Variants in VWA8 observed in about 807,000 individuals in gnomAD.
The protein encoded by VWA8 is von Willebrand factor A domain containing 8.
VWA8 carries 221 observed loss-of-function variants against 241.5 expected under a neutral mutation model. That is an observed-to-expected ratio of 0.91 (90% CI 0.82 to 1.02). The LOEUF (loss-of-function observed/expected upper bound fraction) is 1.02, where lower values mean the gene tolerates loss of function less well. VWA8 is among the 50% of genes least tolerant of loss of function. The pLI is 0.00. For synonymous variants in VWA8, 852 were observed against 827.1 expected (o/e 1.03, Z -0.52); for missense variants, 2,322 against 2,328.7 (o/e 1.00, Z 0.06).
intron 4 of VWA8, among the ~76,000 whole-genome samples, chr13:41,900,337 A>C (rs1452330617): frequency 6.6e-6 from 1 of 152,190 alleles, no homozygotes; most frequent in Admixed American, 6.5e-5. Context: ...TCCTCAAAGT[A>C]GAAATTAGAC....
chr13:41,679,857 G>A (rs1311227302), intron 35 of VWA8, among the ~76,000 whole-genome samples: 11 of 18,936 alleles, frequency 5.8e-4, no homozygotes, highest in East Asian at 5.3e-3. Context: ...ACCCGCCCCC[G>A]GCCGCCCCAC....
intron 17 of VWA8, among the ~76,000 whole-genome samples, chr13:41,805,686 C>T (rs762747118): frequency 4.6e-5 from 7 of 151,836 alleles, no homozygotes; most frequent in Non-Finnish European, 7.4e-5. Context: ...TGGTGGTGCA[C>T]GCCTGTAATC....
At chr13:41,614,810 C>A (rs971407789) in intron 38 of VWA8, among the ~76,000 whole-genome samples, 166 bp downstream of exon 38, 3 of 152,126 alleles carry the variant, frequency 2.0e-5, no homozygotes, top group Non-Finnish European at 2.9e-5. Flanking sequence ...TCTTCACATG[C>A]CTTGATGTCA....
At chr13:41,869,369 C>T (rs1873473625) in intron 9 of VWA8, among the ~76,000 whole-genome samples, 1 of 152,072 alleles carries the variant, frequency 6.6e-6, no homozygotes, top group South Asian at 2.1e-4. Flanking sequence ...CACAGTAGCT[C>T]ATGCCTGTAA....
intron 20 of VWA8, among the ~76,000 whole-genome samples, chr13:41,777,027 A>C (rs1028508181): frequency 6.6e-6 from 1 of 152,198 alleles, no homozygotes; most frequent in Non-Finnish European, 1.5e-5. Flanking sequence ...AAAAAACCAA[A>C]AGTGCTGTTC....
chr13:41,820,827 C>A (rs557455188), intron 14 of VWA8, among the ~76,000 whole-genome samples: 2 of 152,202 alleles, frequency 1.3e-5, no homozygotes, highest in South Asian at 4.2e-4. Context: ...TTCCATTTTC[C>A]ACTTCTGCTA....
intron 35 of VWA8, among the ~76,000 whole-genome samples, chr13:41,678,017 G>C (rs748555944): frequency 3.9e-5 from 6 of 152,192 alleles, no homozygotes; most frequent in Non-Finnish European, 7.3e-5. Context: ...TTTTGCGCCA[G>C]ACATCATATG....
At position 41,839,159 on chromosome 13, in the gene VWA8, T is replaced by A. The variant is rs377067293; in HGVS notation, c.1426-5628A>T. 1.5e-4 allele frequency among the ~76,000 whole-genome samples: 23 copies of A among 152,302 alleles called. 1 individual carries two copies. The highest frequency in any genetic ancestry group is 1.4e-3 in the East Asian group (7 of 5,180). On this transcript the variant is annotated intron_variant, in intron 12 of 44. Coordinates refer to ENST00000379310, the MANE Select transcript of VWA8 (RefSeq NM_015058.2). ...TTCTCCACATCCTCTCCAGCATCTG[T>A]TGTTTCCTGACTTTTTAATGATCAC...
rs1869368387 is a variant in VWA8 at position 41,789,755 on chromosome 13, A to AC, written c.2064-2213dup. 3.9e-5 allele frequency among the ~76,000 whole-genome samples: 6 copies of AC among 152,268 alleles called. No individual in the cohort carries two copies. In the South Asian group the frequency reaches 1.2e-3, roughly 32 times the overall value. ...TTACTTGCAAGAGTGAAAGAAAAAG[A>AC]CTGAGGGGTTCTGTGGATACTAGGC... On this transcript the variant is annotated intron_variant, in intron 17 of 44. Transcript: ENST00000379310.
At chr13:41,841,840 TATATATATATATATATATAA>T (rs1214796890) in intron 12 of VWA8, among the ~76,000 whole-genome samples, 973 of 90,078 alleles carry the variant, frequency 0.011, 66 homozygotes, top group African/African-American at 0.043. Flanking sequence ...TATATATATA[TATATATATATATATATATAA>T]AAACAGTAGA....
intron 36 of VWA8, among the ~76,000 whole-genome samples, chr13:41,671,402 A>C (rs1477318700): frequency 6.6e-6 from 1 of 152,182 alleles, no homozygotes; most frequent in East Asian, 1.9e-4. Context: ...AAAACCAGAA[A>C]GACTATTTTA....
At chr13:41,578,538 G>T (rs560846518) in intron 42 of VWA8, among the ~76,000 whole-genome samples, 3 of 152,222 alleles carry the variant, frequency 2.0e-5, no homozygotes, top group Non-Finnish European at 4.4e-5. Context: ...AATTGTGTGG[G>T]TTAATGGAAA....
chr13:41,815,913 G>C (rs1464460459), intron 16 of VWA8, among the ~76,000 whole-genome samples: 1 of 152,144 alleles, frequency 6.6e-6, no homozygotes, highest in African/African-American at 2.4e-5. Flanking sequence ...TGCTTAACTG[G>C]TGAGATTTGT....
intron 24 of VWA8, among the ~76,000 whole-genome samples, chr13:41,724,611 T>G (rs1242328714): frequency 6.6e-6 from 1 of 152,192 alleles, no homozygotes; most frequent in Non-Finnish European, 1.5e-5. Context: ...TAGGAGTCTG[T>G]GGACATTTGT....
chr13:41,789,919 G>T (rs1429836896), intron 17 of VWA8, among the ~76,000 whole-genome samples: 1 of 152,044 alleles, frequency 6.6e-6, no homozygotes, highest in Non-Finnish European at 1.5e-5. Context: ...GACTATATTT[G>T]TGCCTTAATT....
intron 39 of VWA8, among the ~76,000 whole-genome samples, chr13:41,609,013 T>A (rs1011715529): frequency 4.6e-5 from 7 of 152,216 alleles, no homozygotes; most frequent in Non-Finnish European, 1.0e-4. Context: ...GTCTCTGAAT[T>A]AAGTACTAAA....
In VWA8 at chr13:41,886,002, G is replaced by A. The variant is rs1410601044; in HGVS notation, c.893C>T (p.Thr298Ile). Residue 298 changes from threonine (T) to isoleucine (I), a missense_variant, in exon 8 of 45, where the codon ACA becomes ATA. Thr to Ile is a moderately conservative substitution (Grantham distance 89, BLOSUM62 -1). Coordinates refer to ENST00000379310, the MANE Select transcript of VWA8 (RefSeq NM_015058.2). ...EKVSQLLSFA[T>I]TLCSQESSTL... The stretch of plus-strand genomic sequence containing the variant: ...AGAAGATTCTTGGGAACACAGAGTT[G>A]TGGCAAAGGACAAGAGCTGAGAAAC... The A allele has an allele frequency of 1.2e-6, 2 of 1,605,056 alleles. No individual in the cohort carries two copies. Among genetic ancestry groups the A allele is most frequent in the Non-Finnish European group, 1.7e-6 (2 of 1,177,576 alleles).
intron 14 of VWA8, among the ~76,000 whole-genome samples, chr13:41,821,833 G>T (rs1333993494): frequency 1.3e-5 from 2 of 151,998 alleles, no homozygotes; most frequent in Non-Finnish European, 2.9e-5. Flanking sequence ...CAGTAAAAAG[G>T]AACAAACTAT....
intron 2 of VWA8, among the ~76,000 whole-genome samples, chr13:41,948,193 A>G (rs1225161504): frequency 6.6e-6 from 1 of 152,232 alleles, no homozygotes; most frequent in Non-Finnish European, 1.5e-5. Context: ...AATATAATTT[A>G]GCCATAAAAA....
Sources: gnomAD v4.1 joint callset for allele counts (sites outside exome capture counted in the v4.1 genomes callset) on GRCh38, gnomAD v4.1.1 for gene constraint, MANE v1.5 for transcripts, NCBI Gene and HGNC (gene_info 2026-07-23, HGNC 2026-07-21) for gene names.